Variants in SMC2 observed in about 807,000 individuals in gnomAD.
SMC2 encodes the protein structural maintenance of chromosomes protein 2.
A neutral mutation model predicts 142.6 loss-of-function variants in SMC2; 41 were observed. That is an observed-to-expected ratio of 0.29 (90% CI 0.22 to 0.37). The LOEUF (loss-of-function observed/expected upper bound fraction) is 0.37, where lower values mean the gene tolerates loss of function less well. Among genes scored for constraint, SMC2 ranks in the 10% least tolerant of loss-of-function variants. The pLI is 1.00. For synonymous variants in SMC2, 463 were observed against 457.5 expected (o/e 1.01, Z -0.15); for missense variants, 1,265 against 1,373.7 (o/e 0.92, Z 1.25).
intron 15 of SMC2, among the ~76,000 whole-genome samples, chr9:104,119,648 G>A (rs544812839): frequency 6.6e-6 from 1 of 152,254 alleles, no homozygotes. Flanking sequence ...CATGGCAAAC[G>A]GAAAGCAAAT....
chr9:104,122,281 A>T (rs16923693), intron 16 of SMC2, among the ~76,000 whole-genome samples: 1 of 152,148 alleles, frequency 6.6e-6, no homozygotes, highest in Admixed American at 6.5e-5. Context: ...TTTGAAAAAA[A>T]TGAGAATGGT....
intron 13 of SMC2, among the ~76,000 whole-genome samples, chr9:104,115,124 C>A (rs185070772): frequency 6.6e-6 from 1 of 152,098 alleles, no homozygotes; most frequent in Non-Finnish European, 1.5e-5. Context: ...TGATGTCAGT[C>A]TTCCCATCAA....
upstream of SMC2, chr9:104,094,143 C>G (rs962925306): frequency 5.9e-5 from 22 of 376,008 alleles, no homozygotes; most frequent in African/African-American, 8.3e-5. Flanking sequence ...CAGGCCCCTG[C>G]CGGGGAGTCC....
intron 14 of SMC2, 63 bp downstream of exon 14, chr9:104,116,382 G>C: frequency 6.8e-7 from 1 of 1,466,216 alleles, no homozygotes; most frequent in Non-Finnish European, 9.1e-7. Flanking sequence ...TAAGTTAGAA[G>C]ACATTAATTT....
intron 10 of SMC2, among the ~76,000 whole-genome samples, chr9:104,112,909 G>C (rs1452450090): frequency 6.6e-6 from 1 of 151,994 alleles, no homozygotes; most frequent in African/African-American, 2.4e-5. Context: ...TTTCTTTACT[G>C]TTATTAGATA....
rs375360141 is a variant in SMC2, at chr9:104,117,275, A to G, written c.1792-896A>G. On this transcript the variant is annotated intron_variant, in intron 14 of 24. Coordinates refer to ENST00000374793, the MANE Select transcript of SMC2 (RefSeq NM_006444.3). ...AAATTGGGATTTCAAGTAACAGCAA[A>G]AATACTTTGCCTCAAATCCTTTAGC... Among the ~76,000 whole-genome samples, 3 of 152,188 alleles carry G rather than the reference A, an allele frequency of 2.0e-5. No individual in the cohort carries two copies. The East Asian group carries it at 5.8e-4, about 29-fold the overall frequency.
chr9:104,125,158 G>T, intron 18 of SMC2, 53 bp downstream of exon 18: 1 of 1,259,792 alleles, frequency 7.9e-7, no homozygotes, highest in Middle Eastern at 2.2e-4. Context: ...ACATAGAGCT[G>T]AAGGTGGTAG....
chr9:104,123,000 G>A (rs1301806902), intron 16 of SMC2, 108 bp from the exon 17 acceptor site: 3 of 1,155,700 alleles, frequency 2.6e-6, no homozygotes, highest in Admixed American at 2.7e-5. Context: ...ATCTTATATT[G>A]TTTATAACGT....
intron 13 of SMC2, 123 bp from the exon 14 acceptor site, chr9:104,116,076 TA>T: frequency 1.3e-6 from 1 of 779,958 alleles, no homozygotes; most frequent in Non-Finnish European, 1.9e-6. Flanking sequence ...ATTGCATATG[TA>T]ATTATAACTT....
At chr9:104,095,154 C>T in intron 1 of SMC2, 170 bp from the exon 2 acceptor site, 1 of 468,578 alleles carries the variant, frequency 2.1e-6, no homozygotes, top group South Asian at 3.8e-5. Context: ...CAGATAGTGG[C>T]TAACTCTGGT....
Position 104,103,049 on chromosome 9 carries a change from AT to A in SMC2, c.1020+479del, listed in dbSNP as rs556644554. On this transcript the variant is annotated intron_variant, in intron 9 of 24. Transcript: ENST00000374793. ...ATATTGAATCCAGGCAAAAATACAG[AT>A]TTGGAGGCATCATCAATGTATAGGT... Among the ~76,000 whole-genome samples the A allele has an allele frequency of 2.6e-4, 40 of 152,216 alleles. No individual in the cohort carries two copies. The East Asian group carries it at 6.6e-3, about 25-fold the overall frequency.
At chr9:104,129,388 G>T (rs1006918350) in intron 20 of SMC2, among the ~76,000 whole-genome samples, 3 of 151,788 alleles carry the variant, frequency 2.0e-5, no homozygotes, top group African/African-American at 7.3e-5. Context: ...TGTGATCCCA[G>T]TTACTCAGGA....
At chr9:104,123,277 T>C (rs776029002) in intron 17 of SMC2, 45 bp downstream of exon 17, 1 of 1,584,494 alleles carries the variant, frequency 6.3e-7, no homozygotes, top group South Asian at 1.2e-5. Flanking sequence ...TTTATTCATA[T>C]CCGTTACCTT....
intron 15 of SMC2, 89 bp from the exon 16 acceptor site, chr9:104,119,938 T>C (rs1291732208): frequency 2.1e-5 from 25 of 1,216,742 alleles, no homozygotes; most frequent in Non-Finnish European, 1.2e-6. Context: ...ATTGAATCAA[T>C]TTGAGTATAA....
intron 14 of SMC2, among the ~76,000 whole-genome samples, chr9:104,116,922 G>C (rs911752411): frequency 2.6e-5 from 4 of 152,182 alleles, no homozygotes; most frequent in Non-Finnish European, 4.4e-5. Flanking sequence ...CATGAAGTCA[G>C]TCATAACATT....
chr9:104,101,809 T>A (rs993260297), intron 7 of SMC2, 151 bp from the exon 8 acceptor site: 2 of 548,724 alleles, frequency 3.6e-6, no homozygotes, highest in African/African-American at 3.9e-5. Flanking sequence ...ACTTCTGATG[T>A]TACGTAAAGT....
At chr9:104,132,869 G>A (rs1835135984) in intron 22 of SMC2, among the ~76,000 whole-genome samples, 1 of 150,840 alleles carries the variant, frequency 6.6e-6, no homozygotes, top group East Asian at 1.9e-4. Context: ...TTCCCACCAG[G>A]ATTCGTGGAC....
intron 20 of SMC2, 22 bp from the exon 21 acceptor site, chr9:104,129,623 A>G (rs1834719707): frequency 6.4e-7 from 1 of 1,568,420 alleles, no homozygotes; most frequent in Admixed American, 1.7e-5. Context: ...TAGATCTCCC[A>G]TCTATTTTTA....
At chr9:104,088,755 A>G in the SMC2 span, among the ~76,000 whole-genome samples, 3 of 152,066 alleles carry the variant, frequency 2.0e-5, no homozygotes, top group African/African-American at 7.3e-5. Context: ...TTCACTCTTC[A>G]TTTCTCCTGG....
Sources: gnomAD v4.1 joint callset for allele counts (sites outside exome capture counted in the v4.1 genomes callset) on GRCh38, gnomAD v4.1.1 for gene constraint, MANE v1.5 for transcripts, NCBI Gene and HGNC (gene_info 2026-07-23, HGNC 2026-07-21) for gene names.